Variants in MYPN observed in about 807,000 individuals in gnomAD.
The protein encoded by MYPN is myopalladin.
In MYPN, 63 loss-of-function variants were observed where a neutral mutation model predicts 129.4. The ratio of observed to expected loss-of-function variants is 0.49; its 90% confidence interval spans 0.40 to 0.60. MYPN has a LOEUF of 0.60. MYPN is among the 20% of genes least tolerant of loss of function. The probability of loss-of-function intolerance (pLI) is 0.00; values close to 1 mark genes in which losing one functional copy is unlikely to be tolerated. For synonymous variants in MYPN, 629 were observed against 600.9 expected, an observed-to-expected ratio of 1.05 and a Z score of -0.68; for missense variants, 1,596 against 1,635.4, an observed-to-expected ratio of 0.98 and a Z score of 0.42.
At chr10:68,097,847 C>G (rs918689362) in intron 1 of MYPN, among the ~76,000 whole-genome samples, 1 of 151,344 alleles carries the variant, frequency 6.6e-6, no homozygotes, top group East Asian at 1.9e-4. Context: ...AATTGTTCAT[C>G]TTTCAGTACT....
intron 1 of MYPN, among the ~76,000 whole-genome samples, chr10:68,100,133 A>T (rs1246683406): frequency 6.6e-6 from 1 of 152,192 alleles, no homozygotes; most frequent in Admixed American, 6.5e-5. Flanking sequence ...ACAGTAGCAT[A>T]TAATTTTTTC....
intron 1 of MYPN, among the ~76,000 whole-genome samples, chr10:68,112,483 T>A (rs2042095945): frequency 6.6e-6 from 1 of 152,232 alleles, no homozygotes; most frequent in Admixed American, 6.5e-5. Flanking sequence ...AATGGCCTAC[T>A]CACCTTTGGC....
At chr10:68,188,534 G>C (rs569612535) in intron 12 of MYPN, among the ~76,000 whole-genome samples, 2 of 152,220 alleles carry the variant, frequency 1.3e-5, no homozygotes, top group East Asian at 3.9e-4. Context: ...ATGCAGGCAT[G>C]TATCAGAATG....
chr10:68,174,156 T>G lies in MYPN; in HGVS notation c.2064T>G (p.Phe688Leu). Residue 688 changes from phenylalanine to leucine, a missense_variant, in exon 11 of 20, where the codon TTT (phenylalanine) becomes TTG (leucine). Phe to Leu is a conservative substitution (Grantham distance 22). Coordinates refer to ENST00000358913, the MANE Select transcript of MYPN (RefSeq NM_032578.4). ...QNPPPSSPKE[F>L]PFSMTVLNSN... is the part of the protein sequence containing the mutation. ...CACCTCCTTCATCTCCTAAGGAGTT[T>G]CCTTTCAGCATGACTGTTTTGAACT... 1 of 1,613,998 alleles carries G rather than the reference T, an allele frequency of 6.2e-7. No homozygotes were observed. Among genetic ancestry groups the G allele is most frequent in the Non-Finnish European group, 8.5e-7 (1 of 1,179,918 alleles).
intron 2 of MYPN, chr10:68,136,526 G>A: frequency 7.1e-7 from 1 of 1,413,802 alleles, no homozygotes; most frequent in Non-Finnish European, 9.2e-7. Context: ...TCAGAAGCCA[G>A]CCTGATCCCT....
In MYPN at chr10:68,123,267, A is replaced by G. The variant is rs189718748; in HGVS notation, c.902+927A>G. ...GTAACAGGCATCTGTAATGCCAACT[A>G]TTCAGGTGGCTTAGGCAGAGAGAAT... On this transcript the variant is annotated intron_variant, in intron 2 of 19. Transcript: ENST00000358913. Among the ~76,000 whole-genome samples, 28 of 152,190 alleles carry G rather than the reference A, an allele frequency of 1.8e-4. No individual in the cohort carries two copies. The East Asian group carries it at 4.5e-3, about 24-fold the overall frequency.
intron 2 of MYPN, among the ~76,000 whole-genome samples, chr10:68,138,641 T>C (rs1408598323): frequency 6.6e-6 from 1 of 152,184 alleles, no homozygotes; most frequent in African/African-American, 2.4e-5. Flanking sequence ...AACCACACTT[T>C]CAGAACCACT....
rs2042238974 is a variant in MYPN, at chr10:68,121,412, T to G, written c.-1-26T>G. On this transcript the variant is annotated intron_variant, in intron 1 of 19. Coordinates refer to ENST00000358913, the MANE Select transcript of MYPN (RefSeq NM_032578.4). ...GTTATTCCCTAGAAATGATCCAAAC[T>G]TTTTGTTATTATTATTTTGTGACAG... The G allele has an allele frequency of 2.5e-6, 4 of 1,600,916 alleles. No homozygotes were observed. The South Asian group carries it at 4.5e-5, about 18-fold the overall frequency.
intron 2 of MYPN, among the ~76,000 whole-genome samples, chr10:68,133,811 G>A (rs539605882): frequency 2.0e-5 from 3 of 150,466 alleles, no homozygotes; most frequent in Admixed American, 6.6e-5. Context: ...ATGTGTGCTG[G>A]ACAAGCAGGG....
chr10:68,185,843 C>A lies in MYPN; in HGVS notation c.2704-3062C>A, dbSNP rs1053123320. Among the ~76,000 whole-genome samples, 4 of 152,028 alleles carry A rather than the reference C, an allele frequency of 2.6e-5. No individual in the cohort carries two copies. The East Asian group carries it at 5.8e-4, about 22-fold the overall frequency. ...ACAATCCAACAAAGAAAAAAAATAT[C>A]CTGGTGTAATTTTAAACTGGCAAGT... On this transcript the variant is annotated intron_variant, in intron 12 of 19. Coordinates refer to ENST00000358913, the MANE Select transcript of MYPN (RefSeq NM_032578.4).
chr10:68,187,445 T>G (rs1245957750), intron 12 of MYPN, among the ~76,000 whole-genome samples: 2 of 152,228 alleles, frequency 1.3e-5, no homozygotes, highest in Non-Finnish European at 2.9e-5. Context: ...AAGTGCAGCC[T>G]GGAAATTTTT....
At position 68,166,551 on chromosome 10, in the gene MYPN, A is replaced by G. The variant is rs144031245; in HGVS notation, c.1858A>G (p.Thr620Ala). 1.4e-4 allele frequency: 223 copies of G among 1,614,034 alleles called. No homozygotes were observed. The highest frequency in any genetic ancestry group is 1.8e-4 in the Non-Finnish European group (211 of 1,180,026). Reference protein sequence around the residue: ...EASSEAGVVTTRQTRPDSFQE... With the variant: ...EASSEAGVVTARQTRPDSFQE... Reference sequence around the variant, plus strand: ...ATCCTCCGAGGCTGGTGTGGTGACCACCAGACAGACCAGGCCCGATTCTTT... The same window carrying G: ...ATCCTCCGAGGCTGGTGTGGTGACCGCCAGACAGACCAGGCCCGATTCTTT... Residue 620 changes from threonine (T) to alanine (A), a missense_variant, in exon 10 of 20, where the codon ACC (threonine) becomes GCC (alanine). Coordinates refer to ENST00000358913, the MANE Select transcript of MYPN (RefSeq NM_032578.4).
intron 10 of MYPN, among the ~76,000 whole-genome samples, chr10:68,170,410 A>AAT (rs2043127140): frequency 6.6e-6 from 1 of 152,084 alleles, no homozygotes; most frequent in Non-Finnish European, 1.5e-5. Flanking sequence ...TATAGATATG[A>AAT]ATATATATAT....
chr10:68,167,123 C>G (rs2043067835), intron 10 of MYPN, among the ~76,000 whole-genome samples: 1 of 152,164 alleles, frequency 6.6e-6, no homozygotes, highest in Admixed American at 6.5e-5. Context: ...ATCCTTACAT[C>G]AATAGAAGCA....
chr10:68,210,307 C>T lies in MYPN; in HGVS notation c.3815C>T (p.Pro1272Leu), dbSNP rs1554852276. 1 of 1,613,750 alleles carries T rather than the reference C, an allele frequency of 6.2e-7. No homozygotes were observed. Among genetic ancestry groups the T allele is most frequent in the South Asian group, 1.1e-5 (1 of 91,060 alleles). The stretch of plus-strand genomic sequence containing the variant: ...CCAGCTCAGTGGCACCATCAGATCC[C>T]ACCGCCCATGTCTGTCCGGCCCAGT... Reference protein sequence around the residue: ...DIYAQWHHQIPPPMSVRPSGS... With the variant: ...DIYAQWHHQILPPMSVRPSGS... The change falls in exon 20 of 20, where the codon CCA (proline) becomes CTA (leucine). Residue 1272 changes from proline to leucine, a missense_variant. Transcript: ENST00000358913.
At chr10:68,153,158 GT>G (rs998025973) in intron 6 of MYPN, among the ~76,000 whole-genome samples, 5 of 151,658 alleles carry the variant, frequency 3.3e-5, no homozygotes, top group Admixed American at 6.6e-5. Context: ...GCTAATTTTT[GT>G]GTTTTTAGTA....
chr10:68,157,089 G>C (rs192664791), intron 6 of MYPN, among the ~76,000 whole-genome samples: 7 of 152,344 alleles, frequency 4.6e-5, no homozygotes, highest in African/African-American at 1.7e-4. Context: ...ATCTTCTAGA[G>C]TCTAATACAG....
chr10:68,208,779 C>A (rs1279309555), intron 19 of MYPN, among the ~76,000 whole-genome samples: 1 of 152,144 alleles, frequency 6.6e-6, no homozygotes, highest in Non-Finnish European at 1.5e-5. Flanking sequence ...GGAATCGATT[C>A]CCTTCCCCGC....
At chr10:68,109,985 A>G (rs926187071) in intron 1 of MYPN, among the ~76,000 whole-genome samples, 1 of 152,252 alleles carries the variant, frequency 6.6e-6, no homozygotes, top group Non-Finnish European at 1.5e-5. Flanking sequence ...AAGTTGTGAC[A>G]TGTTGCATAT....
Sources: gnomAD v4.1 joint callset for allele counts (sites outside exome capture counted in the v4.1 genomes callset) on GRCh38, gnomAD v4.1.1 for gene constraint, MANE v1.5 for transcripts, NCBI Gene and HGNC (gene_info 2026-07-23, HGNC 2026-07-21) for gene names.